Variants in CRISPLD2 observed in about 807,000 individuals in gnomAD.
CRISPLD2 encodes the protein cysteine rich secretory protein LCCL domain containing 2.
Under a neutral mutation model 71.1 loss-of-function variants are expected in CRISPLD2, and 47 were observed. The ratio of observed to expected loss-of-function variants is 0.66; its 90% CI spans 0.52 to 0.84. CRISPLD2 has a LOEUF of 0.84. Among genes scored for constraint, CRISPLD2 ranks in the 40% least tolerant of loss-of-function variants. CRISPLD2 has a pLI of 0.00. For missense variants in CRISPLD2, 830 were observed against 651.1 expected, an observed-to-expected ratio of 1.27 and a Z score of -2.99; for synonymous variants, 317 against 250.1, an observed-to-expected ratio of 1.27 and a Z score of -2.52.
At chr16:84,903,937 G>A (rs954353988) in intron 14 of CRISPLD2, among the ~76,000 whole-genome samples, 3 of 152,250 alleles carry the variant, frequency 2.0e-5, no homozygotes, top group African/African-American at 7.2e-5. Context: ...TTCTACTGGG[G>A]TGGGGCTGTG....
rs566900636 is a variant in CRISPLD2, at chr16:84,855,800, C to T, written c.709+971C>T. Reference sequence around the variant, plus strand: ...CATAATTACACTAACATAATACAACCATCCTTCGTAAAACTGGAAACTCAC... The same window carrying T: ...CATAATTACACTAACATAATACAACTATCCTTCGTAAAACTGGAAACTCAC... On this transcript the variant is annotated intron_variant, in intron 6 of 14. Transcript: ENST00000262424. Among the ~76,000 whole-genome samples, 10 of 152,302 alleles carry T rather than the reference C, an allele frequency of 6.6e-5. No homozygotes were observed. In the South Asian group the frequency reaches 2.1e-3, roughly 32 times the overall value.
At chr16:84,856,471 T>A (rs1917244206) in intron 6 of CRISPLD2, among the ~76,000 whole-genome samples, 1 of 152,146 alleles carries the variant, frequency 6.6e-6, no homozygotes, top group African/African-American at 2.4e-5. Context: ...GGTGGCAGCG[T>A]TCCTCCCTCT....
intron 13 of CRISPLD2, among the ~76,000 whole-genome samples, chr16:84,885,443 C>T (rs899069862): frequency 6.6e-6 from 1 of 152,326 alleles, no homozygotes; most frequent in African/African-American, 2.4e-5. Flanking sequence ...CTGGTTCAGA[C>T]AGGGAGGCCG....
intron 7 of CRISPLD2, among the ~76,000 whole-genome samples, chr16:84,868,027 G>A (rs995789114): frequency 5.9e-5 from 9 of 152,292 alleles, no homozygotes; most frequent in African/African-American, 2.2e-4. Flanking sequence ...GATGCCCTTG[G>A]CTCTCCCCGT....
At chr16:84,859,378 A>C (rs1211114947) in intron 6 of CRISPLD2, among the ~76,000 whole-genome samples, 1 of 152,234 alleles carries the variant, frequency 6.6e-6, no homozygotes, top group Non-Finnish European at 1.5e-5. Flanking sequence ...GCTCAGAGCC[A>C]GTGTCCAGTA....
chr16:84,869,670 G>A (rs1410295891), intron 8 of CRISPLD2, among the ~76,000 whole-genome samples: 6 of 152,186 alleles, frequency 3.9e-5, no homozygotes, highest in Non-Finnish European at 7.3e-5. Flanking sequence ...AAAACCTCGC[G>A]CTCAGTGTTA....
chr16:84,843,256 G>A (rs1036020873), intron 2 of CRISPLD2, among the ~76,000 whole-genome samples: 6 of 152,156 alleles, frequency 3.9e-5, no homozygotes, highest in African/African-American at 1.2e-4. Context: ...CACTCAGCCC[G>A]GCACCCTCAG....
Position 84,849,806 on chromosome 16 carries a change from C to G in CRISPLD2, c.492+289C>G, listed in dbSNP as rs142097061. Among the ~76,000 whole-genome samples the G allele has an allele frequency of 7.9e-3, 1,189 of 149,874 alleles. 17 individuals carry two copies. Among genetic ancestry groups the G allele is most frequent in the African/African-American group, 0.027 (1,112 of 40,862 alleles). The stretch of plus-strand genomic sequence containing the variant: ...TTAGTTAGCTTAGTGCAGCCCCAAA[C>G]TCCTGGGCTCAAGCAATCCTCCCAC... On this transcript the variant is annotated intron_variant, in intron 4 of 14. Coordinates refer to ENST00000262424, the MANE Select transcript of CRISPLD2 (RefSeq NM_031476.4).
intron 6 of CRISPLD2, among the ~76,000 whole-genome samples, chr16:84,865,113 G>A (rs1917498587): frequency 6.6e-6 from 1 of 152,108 alleles, no homozygotes; most frequent in African/African-American, 2.4e-5. Context: ...TTTAAGAAGT[G>A]GAGCTAAGAC....
chr16:84,838,504 C>T lies in CRISPLD2; in HGVS notation c.9C>T (p.Cys3=), dbSNP rs1916682274. The change falls in exon 2 of 15, where the codon TGC becomes TGT. Residue 3 remains cysteine, a synonymous_variant. Coordinates refer to ENST00000262424, the MANE Select transcript of CRISPLD2 (RefSeq NM_031476.4). MS[C]VLGGVIPLGL... ...GCTGCAGGAGTGGAGCCATGAGCTG[C>T]GTCCTGGGTGGTGTCATCCCCTTGG... The T allele has an allele frequency of 4.3e-6, 7 of 1,613,420 alleles. No individual in the cohort carries two copies. Among genetic ancestry groups the T allele is most frequent in the Non-Finnish European group, 5.9e-6 (7 of 1,179,482 alleles).
intron 14 of CRISPLD2, among the ~76,000 whole-genome samples, chr16:84,895,404 G>A (rs545310181): frequency 1.3e-5 from 2 of 152,260 alleles, no homozygotes; most frequent in South Asian, 2.1e-4. Flanking sequence ...CTGTCTTTAC[G>A]ATACAAGAAA....
At chr16:84,905,402 T>C (rs1367328337) in intron 14 of CRISPLD2, among the ~76,000 whole-genome samples, 1 of 151,604 alleles carries the variant, frequency 6.6e-6, no homozygotes, top group East Asian at 1.9e-4. Flanking sequence ...TTGGTTTGGT[T>C]TTTTTTTTGT....
At chr16:84,905,563 T>G (rs546045771) in intron 14 of CRISPLD2, among the ~76,000 whole-genome samples, 1 of 152,136 alleles carries the variant, frequency 6.6e-6, no homozygotes, top group South Asian at 2.1e-4. Context: ...CATGCCTGGC[T>G]AATTGTTTGT....
intron 13 of CRISPLD2, among the ~76,000 whole-genome samples, chr16:84,881,856 CTCTG>C (rs1351304973): frequency 6.6e-6 from 1 of 152,132 alleles, no homozygotes; most frequent in Admixed American, 6.5e-5. Flanking sequence ...TCATCTTTGC[CTCTG>C]TCTGCCTTAA....
At chr16:84,903,583 CTCTG>C (rs1215607180) in intron 14 of CRISPLD2, among the ~76,000 whole-genome samples, 1 of 146,990 alleles carries the variant, frequency 6.8e-6, no homozygotes, top group Non-Finnish European at 1.5e-5. Context: ...CAGGGCGAGA[CTCTG>C]TCTTAAAATT....
intron 1 of CRISPLD2, among the ~76,000 whole-genome samples, chr16:84,827,079 G>A (rs552400836): frequency 2.0e-5 from 3 of 152,104 alleles, no homozygotes; most frequent in Admixed American, 6.5e-5. Context: ...CCGTAGCCCC[G>A]GTCACAGCAG....
At chr16:84,869,585 C>G (rs903942389) in intron 8 of CRISPLD2, among the ~76,000 whole-genome samples, 1 of 152,324 alleles carries the variant, frequency 6.6e-6, no homozygotes, top group East Asian at 1.9e-4. Context: ...GCTCAGTGGG[C>G]TCACATGTGG....
At chr16:84,860,665 C>G (rs199804508) in intron 6 of CRISPLD2, among the ~76,000 whole-genome samples, 1 of 152,206 alleles carries the variant, frequency 6.6e-6, no homozygotes, top group African/African-American at 2.4e-5. Context: ...AAAGGTTTAT[C>G]AGCATTTACA....
intron 5 of CRISPLD2, among the ~76,000 whole-genome samples, 175 bp downstream of exon 5, chr16:84,850,858 CG>C: frequency 6.6e-6 from 1 of 152,142 alleles, no homozygotes; most frequent in Non-Finnish European, 1.5e-5. Flanking sequence ...AACAAGGACT[CG>C]GGTTCTTTCC....
Sources: gnomAD v4.1 joint callset for allele counts (sites outside exome capture counted in the v4.1 genomes callset) on GRCh38, gnomAD v4.1.1 for gene constraint, MANE v1.5 for transcripts, NCBI Gene and HGNC (gene_info 2026-07-23, HGNC 2026-07-21) for gene names.